The following ZNF385D variants were observed in gnomAD, a reference collection of about 807,000 sequenced individuals.
The protein encoded by ZNF385D is zinc finger protein 659.
ZNF385D carries 15 observed loss-of-function variants against 35.8 expected under a neutral mutation model. The ratio of observed to expected loss-of-function variants is 0.42; its 90% CI spans 0.28 to 0.64. The LOEUF (loss-of-function observed/expected upper bound fraction) is 0.64. Among genes scored for constraint, ZNF385D ranks in the 30% least tolerant of loss-of-function variants. The pLI, the probability that ZNF385D is intolerant of heterozygous loss-of-function variation, is 0.23. For synonymous variants in ZNF385D, 212 were observed against 186.8 expected (o/e 1.13, Z -1.10); for missense variants, 474 against 494.6 (o/e 0.96, Z 0.39).
At chr3:21,655,860 T>G (rs1293044805) in intron 2 of ZNF385D, among the ~76,000 whole-genome samples, 1 of 152,062 alleles carries the variant, frequency 6.6e-6, no homozygotes, top group African/African-American at 2.4e-5. Context: ...CTTCCTTATC[T>G]GTATCATTTA....
At chr3:22,156,545 T>C (rs1705594945) in intron 3 of ZNF385D, among the ~76,000 whole-genome samples, 3 of 152,090 alleles carry the variant, frequency 2.0e-5, no homozygotes, top group African/African-American at 4.8e-5. Flanking sequence ...GCTGAAAATA[T>C]AACAAGAAGG....
intron 2 of ZNF385D, among the ~76,000 whole-genome samples, chr3:21,622,886 G>C (rs1450519400): frequency 4.0e-5 from 6 of 151,832 alleles, no homozygotes; most frequent in African/African-American, 1.5e-4. Flanking sequence ...AAAATATAAT[G>C]GTAAAGGAGA....
At chr3:22,342,879 T>A (rs898641759) in intron 2 of ZNF385D, among the ~76,000 whole-genome samples, 1 of 152,168 alleles carries the variant, frequency 6.6e-6, no homozygotes, top group Non-Finnish European at 1.5e-5. Context: ...CAAACCACAG[T>A]TGAAGATACC....
At position 21,984,872 on chromosome 3, in the gene ZNF385D, G is replaced by A. The variant is rs1388623968; in HGVS notation, c.325+183945C>T. On this transcript the variant is annotated intron_variant, in intron 3 of 5. Coordinates refer to the ZNF385D transcript ENST00000494108. ...AGTGGTTTGTAGTTCTCCTTGAAGA[G>A]GTCCTTCACGTCCCTTGTAAGTTGG... 7.3e-5 allele frequency among the ~76,000 whole-genome samples: 10 copies of A among 136,456 alleles called. No homozygotes were observed. The East Asian group carries it at 9.6e-4, about 13-fold the overall frequency. 89.5% of individuals were successfully genotyped at this position (136,456 alleles called of 152,430 possible).
chr3:21,765,222 G>T (rs551144770), intron 3 of ZNF385D, among the ~76,000 whole-genome samples: 2 of 151,958 alleles, frequency 1.3e-5, no homozygotes, highest in South Asian at 4.2e-4. Context: ...GTGTGTGAGA[G>T]AGAGAGAGAG....
At chr3:21,779,154 C>A (rs1358500493) in intron 3 of ZNF385D, among the ~76,000 whole-genome samples, 1 of 151,938 alleles carries the variant, frequency 6.6e-6, no homozygotes, top group African/African-American at 2.4e-5. Flanking sequence ...GAAAACATTA[C>A]TTTCTCAGCT....
chr3:21,698,570 T>C (rs1040383723), intron 1 of ZNF385D, among the ~76,000 whole-genome samples: 9 of 152,048 alleles, frequency 5.9e-5, no homozygotes, highest in African/African-American at 1.9e-4. Flanking sequence ...AATATATCCA[T>C]GTAGCAAGCC....
At position 21,680,508 on chromosome 3, in the gene ZNF385D, C is replaced by A. The variant is rs144141260; in HGVS notation, c.23-15480G>T. 4.6e-5 allele frequency among the ~76,000 whole-genome samples: 7 copies of A among 152,182 alleles called. No individual in the cohort carries two copies. The East Asian group carries it at 1.4e-3, about 29-fold the overall frequency. ...GTAGACCACAATTTGTTCTTTCCTGCGTATTTTCAAGAGTTTGCAACCCAC... is the reference window on the plus strand; with the variant it reads ...GTAGACCACAATTTGTTCTTTCCTGAGTATTTTCAAGAGTTTGCAACCCAC... On this transcript the variant is annotated intron_variant, in intron 1 of 7. Transcript: ENST00000281523.
chr3:21,982,851 GGT>G lies in ZNF385D; in HGVS notation c.325+185964_325+185965del, dbSNP rs1491532667. ...TTGCATCTATTGAGATAATCATGTG[GGT>G]TTTTTTTGTCTTTAGTTCTGTTTTT... On this transcript the variant is annotated intron_variant, in intron 3 of 5. Transcript: ENST00000494108. Among the ~76,000 whole-genome samples the G allele has an allele frequency of 2.0e-4, 24 of 121,310 alleles. 1 individual carries two copies. The highest frequency in any genetic ancestry group is 4.8e-4 in the African/African-American group (19 of 39,254). The allele number at this position is 121,310 out of a possible 152,430, so 79.6% of individuals were successfully genotyped here.
chr3:22,361,217 T>A (rs1035664828), intron 2 of ZNF385D, among the ~76,000 whole-genome samples: 1 of 152,020 alleles, frequency 6.6e-6, no homozygotes, highest in African/African-American at 2.4e-5. Flanking sequence ...TGTTCCAATG[T>A]GGCAAGACTA....
chr3:21,694,382 G>A (rs1303135056), intron 1 of ZNF385D, among the ~76,000 whole-genome samples: 2 of 151,976 alleles, frequency 1.3e-5, no homozygotes, highest in Non-Finnish European at 2.9e-5. Context: ...GGGCTCATAG[G>A]ACAAACCTCA....
intron 2 of ZNF385D, among the ~76,000 whole-genome samples, chr3:22,363,950 T>G (rs1237344446): frequency 6.6e-6 from 1 of 152,134 alleles, no homozygotes; most frequent in African/African-American, 2.4e-5. Flanking sequence ...CCCTCAACAT[T>G]AGCCACAATG....
chr3:22,309,647 G>T (rs781409390), intron 2 of ZNF385D, among the ~76,000 whole-genome samples: 2 of 151,846 alleles, frequency 1.3e-5, no homozygotes, highest in East Asian at 3.9e-4. Flanking sequence ...ATCATAAAAA[G>T]GTCAATGGTG....
chr3:21,700,319 G>A (rs1052648899), intron 1 of ZNF385D, among the ~76,000 whole-genome samples: 4 of 152,046 alleles, frequency 2.6e-5, no homozygotes, highest in South Asian at 2.1e-4. Flanking sequence ...TCCAGACTGA[G>A]GGAATAGTCA....
At chr3:21,721,243 A>C (rs2125448969) in intron 1 of ZNF385D, among the ~76,000 whole-genome samples, 1 of 152,274 alleles carries the variant, frequency 6.6e-6, no homozygotes, top group Non-Finnish European at 1.5e-5. Context: ...AGACTCAGGA[A>C]CCAGTCAGTC....
At chr3:21,571,447 T>C (rs2063332021) in intron 2 of ZNF385D, among the ~76,000 whole-genome samples, 2 of 152,232 alleles carry the variant, frequency 1.3e-5, no homozygotes, top group Non-Finnish European at 2.9e-5. Flanking sequence ...AGTAGTCATT[T>C]ATCTGAGATA....
At chr3:22,061,626 T>C (rs1699691193) in intron 3 of ZNF385D, among the ~76,000 whole-genome samples, 1 of 152,218 alleles carries the variant, frequency 6.6e-6, no homozygotes, top group South Asian at 2.1e-4. Context: ...CTTGTCACTC[T>C]CTTTCAACAG....
chr3:21,976,844 A>C (rs1036862626), intron 3 of ZNF385D, among the ~76,000 whole-genome samples: 3 of 152,126 alleles, frequency 2.0e-5, no homozygotes, highest in Non-Finnish European at 4.4e-5. Flanking sequence ...TACAAAAATT[A>C]GCCAGTTGTG....
intron 3 of ZNF385D, among the ~76,000 whole-genome samples, chr3:21,928,473 C>A (rs866767482): frequency 3.9e-5 from 6 of 152,036 alleles, no homozygotes; most frequent in Non-Finnish European, 7.4e-5. Context: ...TTATCACCAG[C>A]TGGACTTAAA....
Sources: gnomAD v4.1 joint callset for allele counts (sites outside exome capture counted in the v4.1 genomes callset) on GRCh38, gnomAD v4.1.1 for gene constraint, MANE v1.5 for transcripts, NCBI Gene and HGNC (gene_info 2026-07-23, HGNC 2026-07-21) for gene names.